CD2: variants seen among roughly 807,000 people sequenced by gnomAD.
CD2 encodes the protein T-cell surface antigen CD2.
In CD2, 18 loss-of-function variants were observed where a neutral mutation model predicts 23.2. That is an observed-to-expected ratio of 0.77 (90% CI 0.54 to 1.15). CD2 has a LOEUF of 1.15. CD2 is among the 50% of genes most tolerant of loss of function. The pLI is 0.00. For synonymous variants in CD2, 162 were observed against 151.9 expected (o/e 1.07, Z -0.49); for missense variants, 424 against 423.1 (o/e 1.00, Z -0.02).
intron 3 of CD2, among the ~76,000 whole-genome samples, chr1:116,763,296 C>T (rs1652113709): frequency 6.6e-6 from 1 of 152,232 alleles, no homozygotes; most frequent in Non-Finnish European, 1.5e-5. Context: ...TTCTGAGCCT[C>T]TGACCCTCTC....
In CD2 at chr1:116,762,532, A is replaced by C. The variant is rs557391400; in HGVS notation, c.613+1900A>C. ...CTTGAAGACCCGAAAAGGGATTTGGAAGTTTTATTCTGAAAGGCCAAGGCA... is the reference window on the plus strand; with the variant it reads ...CTTGAAGACCCGAAAAGGGATTTGGCAGTTTTATTCTGAAAGGCCAAGGCA... On this transcript the variant is annotated intron_variant, in intron 3 of 4. Coordinates refer to ENST00000369478, the MANE Select transcript of CD2 (RefSeq NM_001767.5). Among the ~76,000 whole-genome samples the C allele has an allele frequency of 1.2e-4, 19 of 152,224 alleles. 1 individual carries two copies. In the South Asian group the frequency reaches 2.9e-3, roughly 23 times the overall value.
chr1:116,760,149 T>C (rs904932177), intron 2 of CD2, among the ~76,000 whole-genome samples: 5 of 152,192 alleles, frequency 3.3e-5, no homozygotes, highest in African/African-American at 1.2e-4. Context: ...TTTTAAGGTA[T>C]AAGACAGCAT....
chr1:116,760,910 G>A (rs962562443), intron 3 of CD2, among the ~76,000 whole-genome samples: 5 of 152,200 alleles, frequency 3.3e-5, no homozygotes, highest in Non-Finnish European at 5.9e-5. Context: ...ACTGAAGAAG[G>A]AGGAGCTGTA....
intron 3 of CD2, among the ~76,000 whole-genome samples, chr1:116,761,294 G>C (rs147205377): frequency 2.6e-3 from 391 of 152,270 alleles, no homozygotes; most frequent in African/African-American, 8.9e-3. Flanking sequence ...CCAAGCTCTC[G>C]CCTGGGAGTA....
rs769370796 is a variant in CD2 at position 116,754,662 on chromosome 1, G to C, written c.93G>C (p.Leu31Phe). Reference protein sequence around the residue: ...GAVSKEITNALETWGALGQDI... With the variant: ...GAVSKEITNAFETWGALGQDI... ...TCTCCAAAGAGATTACGAATGCCTTGGAAACCTGGGGTGCCTTGGGTCAGG... is the reference window on the plus strand; with the variant it reads ...TCTCCAAAGAGATTACGAATGCCTTCGAAACCTGGGGTGCCTTGGGTCAGG... The change falls in exon 2 of 5, where the codon TTG becomes TTC. Residue 31 changes from leucine to phenylalanine, a missense_variant. Leu to Phe is a conservative substitution (Grantham distance 22, BLOSUM62 0). Transcript: ENST00000369478. The C allele has an allele frequency of 1.2e-6, 2 of 1,607,558 alleles. No individual in the cohort carries two copies. The highest frequency in any genetic ancestry group is 2.2e-5 in the South Asian group (2 of 89,470).
rs1652308455 is a variant in CD2, at chr1:116,768,897, G to A, written c.*114G>A. On this transcript the variant is annotated 3_prime_UTR_variant, in exon 5 of 5. Transcript: ENST00000369478. ...TGTGTGCAGAACATTGTCACCTCCT[G>A]AGGCTGTGGGCCACAGCCACCTCTG... 3 of 1,069,576 alleles carry A rather than the reference G, an allele frequency of 2.8e-6. No individual in the cohort carries two copies. The highest frequency in any genetic ancestry group is 4.0e-6 in the Non-Finnish European group (3 of 746,184). The allele number at this position is 1,069,576 out of a possible 1,614,324, so 66.3% of individuals were successfully genotyped here.
intron 2 of CD2, among the ~76,000 whole-genome samples, chr1:116,757,564 C>T (rs957617082): frequency 6.6e-6 from 1 of 152,078 alleles, no homozygotes; most frequent in South Asian, 2.1e-4. Flanking sequence ...AATACTAGAA[C>T]AGTCAGCAGT....
intron 2 of CD2, among the ~76,000 whole-genome samples, chr1:116,757,328 G>A (rs550527280): frequency 1.3e-5 from 2 of 152,210 alleles, no homozygotes; most frequent in South Asian, 2.1e-4. Context: ...AGTTGTGCCT[G>A]CATTTCCTTC....
chr1:116,760,568 A>G lies in CD2; in HGVS notation c.549A>G (p.Lys183=). Residue 183 remains lysine, a synonymous_variant, in exon 3 of 5, where the codon AAA becomes AAG. Transcript: ENST00000369478. ...AGTGGACCACCAGCCTGAGTGCAAA[A>G]TTCAAGTGCACAGCAGGGAACAAAG... ...THKWTTSLSA[K]FKCTAGNKVS... is the part of the protein sequence containing the mutation. The G allele has an allele frequency of 6.2e-7, 1 of 1,614,078 alleles. No homozygotes were observed. The highest frequency in any genetic ancestry group is 8.5e-7 in the Non-Finnish European group (1 of 1,179,966).
chr1:116,756,945 C>T (rs1039784657), intron 2 of CD2, among the ~76,000 whole-genome samples: 3 of 151,490 alleles, frequency 2.0e-5, no homozygotes, highest in Non-Finnish European at 4.4e-5. Flanking sequence ...TGCCTGTTTT[C>T]TCAGTGCTAA....
chr1:116,768,080 C>T lies in CD2; in HGVS notation c.737-384C>T, dbSNP rs140872065. 7.2e-3 allele frequency among the ~76,000 whole-genome samples: 1,093 copies of T among 152,274 alleles called. 46 individuals carry two copies. Among genetic ancestry groups the T allele is most frequent in the Admixed American group, 0.059 (898 of 15,300 alleles). Reference sequence around the variant, plus strand: ...AAGGAATGTAGTTACTAATATCCTCCATGACTGCTCATAACCCCTTCCCAT... The same window carrying T: ...AAGGAATGTAGTTACTAATATCCTCTATGACTGCTCATAACCCCTTCCCAT... On this transcript the variant is annotated intron_variant, in intron 4 of 4. Transcript: ENST00000369478.
At chr1:116,755,113 T>G in intron 2 of CD2, 162 bp downstream of exon 2, 1 of 615,228 alleles carries the variant, frequency 1.6e-6, no homozygotes, top group South Asian at 2.1e-5. Context: ...TGTGGTCCAA[T>G]GCGGGAATGG....
rs543276445 is a variant in CD2 at position 116,764,713 on chromosome 1, G to A, written c.736+107G>A. 49 of 840,708 alleles carry A rather than the reference G, an allele frequency of 5.8e-5. No individual in the cohort carries two copies. In the African/African-American group the frequency reaches 6.9e-4, roughly 12 times the overall value. 52.1% of individuals were successfully genotyped at this position (840,708 alleles called of 1,614,324 possible). A position where few individuals can be genotyped will look rare whatever the true frequency, so the allele number is the denominator to read the frequency against. ...GCAGAGAAAATGATGGAAATAGGTA[G>A]TTTCGGAATGTCAGGGTTGTAGTCA... On this transcript the variant is annotated intron_variant, in intron 4 of 4. Coordinates refer to ENST00000369478, the MANE Select transcript of CD2 (RefSeq NM_001767.5).
In CD2 at chr1:116,754,659, C is replaced by T; in HGVS notation, c.90C>T (p.Ala30=). 4 of 1,607,464 alleles carry T rather than the reference C, an allele frequency of 2.5e-6. No individual in the cohort carries two copies. The highest frequency in any genetic ancestry group is 1.1e-5 in the South Asian group (1 of 89,476). ...KGAVSKEITN[A]LETWGALGQD... is the part of the protein sequence containing the mutation. ...CAGTCTCCAAAGAGATTACGAATGCCTTGGAAACCTGGGGTGCCTTGGGTC... is the reference window on the plus strand; with the variant it reads ...CAGTCTCCAAAGAGATTACGAATGCTTTGGAAACCTGGGGTGCCTTGGGTC... Residue 30 remains alanine (A), a synonymous_variant, in exon 2 of 5, where the codon GCC becomes GCT. Coordinates refer to ENST00000369478, the MANE Select transcript of CD2 (RefSeq NM_001767.5).
intron 2 of CD2, 82 bp downstream of exon 2, chr1:116,755,033 C>A: frequency 2.2e-6 from 2 of 928,394 alleles, no homozygotes; most frequent in East Asian, 2.5e-5. Flanking sequence ...TAATATTCCC[C>A]AGCGCTGACC....
intron 2 of CD2, among the ~76,000 whole-genome samples, chr1:116,758,765 A>G (rs1025046736): frequency 6.6e-6 from 1 of 152,140 alleles, no homozygotes; most frequent in Admixed American, 6.5e-5. Flanking sequence ...TTAGGGGTCA[A>G]GTGCTTGCTT....
At chr1:116,768,176 C>T (rs1227392122) in intron 4 of CD2, among the ~76,000 whole-genome samples, 1 of 152,186 alleles carries the variant, frequency 6.6e-6, no homozygotes, top group East Asian at 1.9e-4. Context: ...GGTTCCAGGT[C>T]TGCGTGCTCT....
Position 116,759,587 on chromosome 1 carries a change from A to G in CD2, c.383-815A>G, listed in dbSNP as rs537022647. On this transcript the variant is annotated intron_variant, in intron 2 of 4. Coordinates refer to ENST00000369478, the MANE Select transcript of CD2 (RefSeq NM_001767.5). ...GAGGCAAGAGGTTTGTGATTATCGA[A>G]TGCATGAATTACCACTAATAATGTC... Among the ~76,000 whole-genome samples, 6 of 152,306 alleles carry G rather than the reference A, an allele frequency of 3.9e-5. No individual in the cohort carries two copies. The South Asian group carries it at 1.0e-3, about 26-fold the overall frequency.
Position 116,768,593 on chromosome 1 carries a change from G to A in CD2, c.866G>A (p.Arg289His), listed in dbSNP as rs777102347. The A allele has an allele frequency of 6.2e-6, 10 of 1,613,834 alleles. No individual in the cohort carries two copies. The East Asian group carries it at 8.9e-5, about 14-fold the overall frequency. The stretch of plus-strand genomic sequence containing the variant: ...CATCCTCCTCCACCACCTGGTCATC[G>A]TTCCCAGGCACCTAGTCATCGTCCC... ...SQHPPPPPGH[R>H]SQAPSHRPPP... The change falls in exon 5 of 5, where the codon CGT (arginine) becomes CAT (histidine). Residue 289 changes from arginine (R) to histidine (H), a missense_variant. Coordinates refer to ENST00000369478, the MANE Select transcript of CD2 (RefSeq NM_001767.5).
Sources: gnomAD v4.1 joint callset for allele counts (sites outside exome capture counted in the v4.1 genomes callset) on GRCh38, gnomAD v4.1.1 for gene constraint, MANE v1.5 for transcripts, NCBI Gene and HGNC (gene_info 2026-07-23, HGNC 2026-07-21) for gene names.